Variants in CCDC73 observed in about 807,000 individuals in gnomAD.
The protein encoded by CCDC73 is coiled-coil domain-containing protein 73.
In CCDC73, 95 loss-of-function variants were observed where a neutral mutation model predicts 116.5. That is an observed-to-expected ratio of 0.82 (90% CI 0.69 to 0.97). The LOEUF (loss-of-function observed/expected upper bound fraction) is 0.97, where lower values mean the gene tolerates loss of function less well. Among genes scored for constraint, CCDC73 ranks in the 50% least tolerant of loss-of-function variants. The pLI, the probability that CCDC73 is intolerant of heterozygous loss-of-function variation, is 0.00. For missense variants in CCDC73, 1,066 were observed against 1,206.8 expected (o/e 0.88, Z 1.73); for synonymous variants, 398 against 401.3 (o/e 0.99, Z 0.10).
chr11:32,801,531 C>T, the CCDC73 span, among the ~76,000 whole-genome samples: 90 of 152,080 alleles, frequency 5.9e-4, no homozygotes, highest in Admixed American at 8.5e-4. Flanking sequence ...GTCCCAGCTA[C>T]TTGGGAGGCT....
intron 2 of CCDC73, among the ~76,000 whole-genome samples, chr11:32,758,965 A>T (rs866809131): frequency 6.6e-6 from 1 of 152,240 alleles, no homozygotes; most frequent in Middle Eastern, 3.4e-3. Flanking sequence ...AAATTTTGTT[A>T]TTGTAACAAT....
In CCDC73 at chr11:32,652,993, T is replaced by G. The variant is rs1272629917; in HGVS notation, c.939+130A>C. The G allele has an allele frequency of 9.1e-6, 5 of 547,294 alleles. No individual in the cohort carries two copies. In the Admixed American group the frequency reaches 1.8e-4, roughly 20 times the overall value. 33.9% of individuals were successfully genotyped at this position (547,294 alleles called of 1,614,324 possible). ...CTGAAAACAAGTTGAAGGAAGTCAA[T>G]ATCTTACCCCTAGAATTCAAAATAA... On this transcript the variant is annotated intron_variant, in intron 12 of 17. Transcript: ENST00000335185.
intron 1 of CCDC73, among the ~76,000 whole-genome samples, chr11:32,789,481 G>A (rs1261837102): frequency 1.3e-5 from 2 of 152,058 alleles, no homozygotes; most frequent in Admixed American, 1.3e-4. Flanking sequence ...TAAAAATACA[G>A]ACACCCAGGC....
the CCDC73 span, among the ~76,000 whole-genome samples, chr11:32,817,841 T>G: frequency 6.6e-6 from 1 of 152,186 alleles, no homozygotes; most frequent in Non-Finnish European, 1.5e-5. Context: ...CATCTCCATA[T>G]CATAATAGTC....
intron 9 of CCDC73, among the ~76,000 whole-genome samples, chr11:32,664,218 T>C (rs1040142222): frequency 7.2e-5 from 11 of 152,222 alleles, no homozygotes; most frequent in Admixed American, 5.9e-4. Flanking sequence ...GAGGATTCCC[T>C]CTTTTTCTAT....
chr11:32,784,552 G>C (rs772401006), intron 1 of CCDC73, among the ~76,000 whole-genome samples: 11 of 152,114 alleles, frequency 7.2e-5, no homozygotes, highest in Admixed American at 4.6e-4. Flanking sequence ...TTCCATCATG[G>C]GAAGGCATTA....
At chr11:32,827,977 A>C in the CCDC73 span, among the ~76,000 whole-genome samples, 1 of 152,206 alleles carries the variant, frequency 6.6e-6, no homozygotes, top group Non-Finnish European at 1.5e-5. Flanking sequence ...CAATTGCTTG[A>C]ATAAGAGGGA....
chr11:32,660,013 T>C lies in CCDC73; in HGVS notation c.646-5041A>G, dbSNP rs1855907778. 1.3e-5 allele frequency among the ~76,000 whole-genome samples: 2 copies of C among 152,210 alleles called. 1 individual carries two copies. The highest frequency in any genetic ancestry group is 4.2e-4 in the South Asian group (2 of 4,816). On this transcript the variant is annotated intron_variant, in intron 9 of 17. Transcript: ENST00000335185. ...GCCATGAGGAATAGAGTAATATTAATTGGCTTGGAGACGGAATGAGGTGGA... is the reference window on the plus strand; with the variant it reads ...GCCATGAGGAATAGAGTAATATTAACTGGCTTGGAGACGGAATGAGGTGGA...
At chr11:32,629,930 A>AC (rs1350620397) in intron 14 of CCDC73, among the ~76,000 whole-genome samples, 1 of 148,906 alleles carries the variant, frequency 6.7e-6, no homozygotes, top group African/African-American at 2.6e-5. Flanking sequence ...GCAAAAAAAA[A>AC]AAAACAAAAA....
At chr11:32,652,396 T>C (rs778245028) in intron 12 of CCDC73, among the ~76,000 whole-genome samples, 1 of 152,098 alleles carries the variant, frequency 6.6e-6, no homozygotes, top group Non-Finnish European at 1.5e-5. Flanking sequence ...CTTATCACAT[T>C]TTACTTTACT....
chr11:32,651,800 G>C (rs1473764252), intron 12 of CCDC73, among the ~76,000 whole-genome samples: 1 of 152,218 alleles, frequency 6.6e-6, no homozygotes, highest in Non-Finnish European at 1.5e-5. Context: ...TAGTTTTTAT[G>C]TGGGAGGTAA....
chr11:32,720,232 T>C (rs992823595), intron 2 of CCDC73, among the ~76,000 whole-genome samples: 2 of 152,140 alleles, frequency 1.3e-5, no homozygotes, highest in South Asian at 2.1e-4. Flanking sequence ...GGTTCAACAG[T>C]TGAAAATCAA....
At chr11:32,728,920 G>A (rs538409151) in intron 2 of CCDC73, among the ~76,000 whole-genome samples, 1 of 151,884 alleles carries the variant, frequency 6.6e-6, no homozygotes, top group East Asian at 1.9e-4. Flanking sequence ...GGCCATGCTG[G>A]TCTTGAACTC....
In CCDC73 at chr11:32,654,742, T is replaced by C. The variant is rs940751511; in HGVS notation, c.774+102A>G. On this transcript the variant is annotated intron_variant, in intron 10 of 17. Coordinates refer to ENST00000335185, the MANE Select transcript of CCDC73 (RefSeq NM_001008391.4). ...TTAATAATACCTTTAACTATGCATA[T>C]TGACTTTGCAAAGGCGGAGTATTTT... The C allele has an allele frequency of 4.5e-6, 4 of 881,356 alleles. No individual in the cohort carries two copies. The African/African-American group carries it at 5.2e-5, about 11-fold the overall frequency. 54.6% of individuals were successfully genotyped at this position (881,356 alleles called of 1,614,324 possible). A position where few individuals can be genotyped will look rare whatever the true frequency, so the allele number is the denominator to read the frequency against.
upstream of CCDC73, among the ~76,000 whole-genome samples, chr11:32,797,526 T>A (rs1460549873): frequency 2.0e-5 from 3 of 152,134 alleles, no homozygotes; most frequent in East Asian, 5.8e-4. Flanking sequence ...TCATCAACTC[T>A]CCACTCCCAT....
At chr11:32,821,088 A>C in the CCDC73 span, among the ~76,000 whole-genome samples, 1 of 152,166 alleles carries the variant, frequency 6.6e-6, no homozygotes, top group African/African-American at 2.4e-5. Flanking sequence ...CTTTACATTT[A>C]TAATTTTTCT....
At chr11:32,825,024 G>A in the CCDC73 span, among the ~76,000 whole-genome samples, 1 of 152,206 alleles carries the variant, frequency 6.6e-6, no homozygotes, top group African/African-American at 2.4e-5. Context: ...GGTTGAGGCT[G>A]CAGTGAGCTG....
At chr11:32,828,362 T>C in the CCDC73 span, among the ~76,000 whole-genome samples, 1 of 151,744 alleles carries the variant, frequency 6.6e-6, no homozygotes, top group Non-Finnish European at 1.5e-5. Context: ...TACAAAAAAT[T>C]AGCCGGGCGT....
chr11:32,604,318 G>A (rs1032846179), intron 17 of CCDC73: 2 of 152,114 alleles, frequency 1.3e-5, no homozygotes, highest in Admixed American at 1.3e-4. Flanking sequence ...ATGTTGCCCA[G>A]GCTGGTCTCT....
Sources: gnomAD v4.1 joint callset for allele counts (sites outside exome capture counted in the v4.1 genomes callset) on GRCh38, gnomAD v4.1.1 for gene constraint, MANE v1.5 for transcripts, NCBI Gene and HGNC (gene_info 2026-07-23, HGNC 2026-07-21) for gene names.